USP44: variants seen among roughly 807,000 people sequenced by gnomAD.
The protein encoded by USP44 is ubiquitin specific peptidase 44, also known as ubiquitin carboxyl-terminal hydrolase 44.
A neutral mutation model predicts 69.0 loss-of-function variants in USP44; 61 were observed. That is an observed-to-expected ratio of 0.88 (90% CI 0.72 to 1.09). The LOEUF (loss-of-function observed/expected upper bound fraction) is 1.09, where lower values mean the gene tolerates loss of function less well. Ranked by LOEUF, USP44 falls within the 50% of genes least tolerant of loss-of-function variation. The probability of loss-of-function intolerance (pLI) is 0.00; values close to 1 mark genes in which losing one functional copy is unlikely to be tolerated. For synonymous variants in USP44, 297 were observed against 295.4 expected (o/e 1.01, Z -0.06); for missense variants, 753 against 849.9 (o/e 0.89, Z 1.42).
rs780706744 is a variant in USP44, at chr12:95,521,098, C to T, written c.1838G>A (p.Arg613Lys). The T allele has an allele frequency of 1.2e-6, 2 of 1,614,202 alleles. No individual in the cohort carries two copies. Among genetic ancestry groups the T allele is most frequent in the Admixed American group, 3.3e-5 (2 of 60,008 alleles). ...CAAGTCATAGATAAAGCATTCTGGTCTGAGGGATTTCAGGGTCTCCCTGCA... is the reference window on the plus strand; with the variant it reads ...CAAGTCATAGATAAAGCATTCTGGTTTGAGGGATTTCAGGGTCTCCCTGCA... ...YCCRETLKSL[R>K]PECFIYDLSA... Residue 613 changes from arginine to lysine, a missense_variant, in exon 5 of 6, where the codon AGA (arginine) becomes AAA (lysine). By Grantham distance (26) the Arg-to-Lys change is conservative (BLOSUM62 2). Coordinates refer to ENST00000258499, the MANE Select transcript of USP44 (RefSeq NM_032147.5).
At chr12:95,518,418 G>A in intron 5 of USP44, 65 bp from the exon 6 acceptor site, 2 of 1,500,422 alleles carry the variant, frequency 1.3e-6, no homozygotes, top group Non-Finnish European at 9.1e-7. Context: ...GAAAGGCATT[G>A]AGTGAGAAGC....
rs913846996 is a variant in USP44 at position 95,517,583 on chromosome 12, T to A, written c.*571A>T. On this transcript the variant is annotated 3_prime_UTR_variant, in exon 6 of 6. Transcript: ENST00000258499. ...TAGTTTGACTATGCCAAAGAGCAAT[T>A]ACTAAAGCAATTTTGGGGTTACATT... 10 of 152,268 alleles carry A rather than the reference T, an allele frequency of 6.6e-5. No individual in the cohort carries two copies. Among genetic ancestry groups the A allele is most frequent in the African/African-American group, 2.4e-4 (10 of 41,458 alleles). 9.4% of individuals were successfully genotyped at this position (152,268 alleles called of 1,614,324 possible).
rs1360821349 is a variant in USP44 at position 95,538,766 on chromosome 12, G to T, written c.-70-4440C>A. Reference sequence around the variant, plus strand: ...CTAGAGATCTCCAGTAACTCAGACAGTAACTAGGGTATCCCCAAAGGGGTC... The same window carrying T: ...CTAGAGATCTCCAGTAACTCAGACATTAACTAGGGTATCCCCAAAGGGGTC... On this transcript the variant is annotated intron_variant, in intron 1 of 5. Transcript: ENST00000258499. Among the ~76,000 whole-genome samples the T allele has an allele frequency of 3.3e-5, 5 of 152,336 alleles. No homozygotes were observed. In the South Asian group the frequency reaches 1.0e-3, roughly 32 times the overall value.
At position 95,532,961 on chromosome 12, in the gene USP44, T is replaced by C; in HGVS notation, c.1296A>G (p.Leu432=). Residue 432 remains leucine (L), a synonymous_variant, in exon 2 of 6, where the codon TTA becomes TTG. Transcript: ENST00000258499. The part of the protein sequence containing the change: ...QDAQEFLCEL[L]DKIQRELETT... ...TCTCTAATTCACGTTGTATTTTATCTAAAAGTTCACAAAGAAATTCCTGAG... is the reference window on the plus strand; with the variant it reads ...TCTCTAATTCACGTTGTATTTTATCCAAAAGTTCACAAAGAAATTCCTGAG... 2 of 1,614,228 alleles carry C rather than the reference T, an allele frequency of 1.2e-6. No individual in the cohort carries two copies. The highest frequency in any genetic ancestry group is 1.7e-6 in the Non-Finnish European group (2 of 1,180,042).
At chr12:95,540,232 T>A (rs1476580250) in intron 1 of USP44, among the ~76,000 whole-genome samples, 4 of 152,180 alleles carry the variant, frequency 2.6e-5, no homozygotes, top group African/African-American at 9.6e-5. Context: ...CAACTTACCT[T>A]CCCAAATTAG....
At chr12:95,544,992 G>A (rs1032448460) in intron 1 of USP44, among the ~76,000 whole-genome samples, 1 of 151,982 alleles carries the variant, frequency 6.6e-6, no homozygotes, top group Non-Finnish European at 1.5e-5. Context: ...TTCTTAACAT[G>A]GCACATAAAA....
intron 5 of USP44, among the ~76,000 whole-genome samples, chr12:95,520,700 C>T (rs550122547): frequency 1.3e-5 from 2 of 152,160 alleles, no homozygotes; most frequent in Non-Finnish European, 2.9e-5. Context: ...AGTAAACATA[C>T]GATCTGCTTT....
intron 1 of USP44, among the ~76,000 whole-genome samples, chr12:95,549,350 C>T (rs1442127898): frequency 6.6e-6 from 1 of 152,152 alleles, no homozygotes; most frequent in African/African-American, 2.4e-5. Flanking sequence ...AGAGAGGTTC[C>T]AGAACGGGCA....
chr12:95,540,789 C>T (rs1008519790), intron 1 of USP44, among the ~76,000 whole-genome samples: 13 of 152,146 alleles, frequency 8.5e-5, no homozygotes, highest in African/African-American at 3.1e-4. Flanking sequence ...AACTGGTCTC[C>T]CATCATCTGG....
chr12:95,520,447 G>A (rs1425038676), intron 5 of USP44, among the ~76,000 whole-genome samples: 1 of 151,924 alleles, frequency 6.6e-6, no homozygotes, highest in East Asian at 1.9e-4. Context: ...AGCTGAGATC[G>A]TCCCACTGCA....
intron 2 of USP44, 106 bp downstream of exon 2, chr12:95,532,723 A>G: frequency 1.1e-6 from 1 of 919,106 alleles, no homozygotes; most frequent in Non-Finnish European, 1.6e-6. Context: ...TTTTGACCTG[A>G]AAATGGTACT....
Position 95,547,779 on chromosome 12 carries a change from A to G in USP44, c.-71+3493T>C, listed in dbSNP as rs184345390. ...CGTTACTTGCCCAGATACAACAATTAAAGCTTAAAAGGTGGCGGGAGTGGG... is the reference window on the plus strand; with the variant it reads ...CGTTACTTGCCCAGATACAACAATTGAAGCTTAAAAGGTGGCGGGAGTGGG... On this transcript the variant is annotated intron_variant, in intron 1 of 5. Coordinates refer to ENST00000258499, the MANE Select transcript of USP44 (RefSeq NM_032147.5). 7.2e-5 allele frequency among the ~76,000 whole-genome samples: 11 copies of G among 152,214 alleles called. No individual in the cohort carries two copies. The East Asian group carries it at 2.1e-3, about 29-fold the overall frequency.
intron 1 of USP44, among the ~76,000 whole-genome samples, chr12:95,536,574 T>C (rs1185756858): frequency 2.0e-5 from 3 of 152,000 alleles, no homozygotes; most frequent in Non-Finnish European, 4.4e-5. Context: ...TCTAAATCAA[T>C]CCTTCAGGAA....
intron 1 of USP44, among the ~76,000 whole-genome samples, chr12:95,543,032 A>G (rs894962524): frequency 1.7e-4 from 26 of 149,426 alleles, no homozygotes; most frequent in African/African-American, 4.9e-4. Flanking sequence ...AGCTTGCAGT[A>G]AGCCTAGATC....
Position 95,533,918 on chromosome 12 carries a change from T to C in USP44, c.339A>G (p.Thr113=). 6.2e-7 allele frequency: 1 copy of C among 1,614,198 alleles called. No individual in the cohort carries two copies. The highest frequency in any genetic ancestry group is 8.5e-7 in the Non-Finnish European group (1 of 1,180,038). Residue 113 remains threonine, a synonymous_variant, in exon 2 of 6, where the codon ACA becomes ACG. Transcript: ENST00000258499. ...SAIKSQNYHC[T]TRSGRFLRSM... ...ACCGTAAAAACCTCCCACTACGAGT[T>C]GTGCAGTGATAATTTTGACTTTTGA...
At position 95,522,122 on chromosome 12, in the gene USP44, G is replaced by A. The variant is rs533564727; in HGVS notation, c.1734-920C>T. The A allele has an allele frequency of 2.0e-4, 200 of 985,088 alleles. 1 individual carries two copies. In the African/African-American group the frequency reaches 3.3e-3, roughly 16 times the overall value. 61.0% of individuals were successfully genotyped at this position (985,088 alleles called of 1,614,324 possible). Reference sequence around the variant, plus strand: ...AATATGCATAATGAGTTGGTGCTACGAGGGGAAAATAATGTAACATGGTAG... The same window carrying A: ...AATATGCATAATGAGTTGGTGCTACAAGGGGAAAATAATGTAACATGGTAG... On this transcript the variant is annotated intron_variant, in intron 4 of 5. Coordinates refer to ENST00000258499, the MANE Select transcript of USP44 (RefSeq NM_032147.5).
chr12:95,533,089 G>A lies in USP44; in HGVS notation c.1168C>T (p.Gln390Ter). Residue 390 changes from glutamine to a stop codon, truncating the protein, a stop_gained, in exon 2 of 6, where the codon CAA becomes TAA. Coordinates refer to ENST00000258499, the MANE Select transcript of USP44 (RefSeq NM_032147.5). LOFTEE classifies it high-confidence loss of function. ...GCCCACTTTCCAGACCACATGACTTGGAACAAAGTATGCAATTCATGACAA... is the reference window on the plus strand; with the variant it reads ...GCCCACTTTCCAGACCACATGACTTAGAACAAAGTATGCAATTCATGACAA... ...SLCHELHTLFQVMWSGKWALV... is the reference protein window; with the variant it reads ...SLCHELHTLF 2.5e-6 allele frequency: 4 copies of A among 1,614,176 alleles called. No homozygotes were observed. Among genetic ancestry groups the A allele is most frequent in the Non-Finnish European group, 3.4e-6 (4 of 1,180,044 alleles).
chr12:95,543,836 G>A (rs997602009), intron 1 of USP44, among the ~76,000 whole-genome samples: 3 of 149,402 alleles, frequency 2.0e-5, no homozygotes, highest in South Asian at 2.1e-4. Context: ...GCGTAGTGGC[G>A]GGCGCCTGTA....
At position 95,548,155 on chromosome 12, in the gene USP44, G is replaced by A. The variant is rs1188468462; in HGVS notation, c.-71+3117C>T. ...GCGGCAGCAGGTGCCGGCAGCGCGGGGACCGATCGATGGAGAGAAGGCGGG... is the reference window on the plus strand; with the variant it reads ...GCGGCAGCAGGTGCCGGCAGCGCGGAGACCGATCGATGGAGAGAAGGCGGG... On this transcript the variant is annotated intron_variant, in intron 1 of 5. Coordinates refer to ENST00000258499, the MANE Select transcript of USP44 (RefSeq NM_032147.5). The surrounding 1 kb of genome is among the most constrained non-coding windows in gnomAD (Gnocchi z 4.1). The A allele has an allele frequency of 6.6e-6, 1 of 152,220 alleles. No individual in the cohort carries two copies. Among genetic ancestry groups the A allele is most frequent in the Non-Finnish European group, 1.5e-5 (1 of 68,060 alleles). The allele number at this position is 152,220 out of a possible 1,614,324, so 9.4% of individuals were successfully genotyped here. A position where few individuals can be genotyped will look rare whatever the true frequency, so the allele number is the denominator to read the frequency against.
Sources: allele counts gnomAD v4.1 joint callset (sites outside exome capture counted in the v4.1 genomes callset), GRCh38; gene constraint gnomAD v4.1.1; non-coding constraint Gnocchi (gnomAD v3.1); transcripts MANE v1.5; gene names NCBI Gene and HGNC (gene_info 2026-07-23, HGNC 2026-07-21).